Variants in DENND5A observed in about 807,000 individuals in gnomAD.
The protein encoded by DENND5A is DENN domain-containing protein 5A.
DENND5A carries 64 observed loss-of-function variants against 140.3 expected under a neutral mutation model. That is an observed-to-expected ratio of 0.46 (90% CI 0.37 to 0.56). The LOEUF (loss-of-function observed/expected upper bound fraction) is 0.56, where lower values mean the gene tolerates loss of function less well. Ranked by LOEUF, DENND5A falls within the 20% of genes least tolerant of loss-of-function variation. DENND5A has a pLI of 0.00. For missense variants in DENND5A, 1,292 were observed against 1,593.8 expected (o/e 0.81, Z 3.22); for synonymous variants, 605 against 607.7 (o/e 1.00, Z 0.07).
chr11:9,208,536 C>T (rs1033837917), intron 1 of DENND5A, among the ~76,000 whole-genome samples: 1 of 152,184 alleles, frequency 6.6e-6, no homozygotes, highest in Non-Finnish European at 1.5e-5. Flanking sequence ...TTTATAATAA[C>T]TCTAAGGCAC....
chr11:9,152,469 C>G lies in DENND5A; in HGVS notation c.2437-27G>C, dbSNP rs760742726. 9 of 1,529,868 alleles carry G rather than the reference C, an allele frequency of 5.9e-6. No homozygotes were observed. In the South Asian group the frequency reaches 1.0e-4, roughly 17 times the overall value. The allele number at this position is 1,529,868 out of a possible 1,614,324, so 94.8% of individuals were successfully genotyped here. A position where few individuals can be genotyped will look rare whatever the true frequency, so the allele number is the denominator to read the frequency against. On this transcript the variant is annotated intron_variant, in intron 12 of 22. Coordinates refer to ENST00000328194, the MANE Select transcript of DENND5A (RefSeq NM_015213.4). Reference sequence around the variant, plus strand: ...TGGAACCAATGCAAGGGAGAAACACCTATCAGTTTAGATTTCAGGGGTCAA... The same window carrying G: ...TGGAACCAATGCAAGGGAGAAACACGTATCAGTTTAGATTTCAGGGGTCAA...
chr11:9,263,302 C>A (rs1852289054), intron 1 of DENND5A, among the ~76,000 whole-genome samples: 1 of 151,130 alleles, frequency 6.6e-6, no homozygotes, highest in Non-Finnish European at 1.5e-5. Flanking sequence ...CTCACTGCAA[C>A]CTCCCCCTCC....
chr11:9,150,227 A>AG lies in DENND5A; in HGVS notation c.2607-19_2607-18insC. On this transcript the variant is annotated intron_variant, in intron 14 of 22. Transcript: ENST00000328194. ...GGATGTGCCTGGAGGAAGAATGTAA[A>AG]AAGGAAGTGGAGGGTGGGATGGGAG... The AG allele has an allele frequency of 6.2e-7, 1 of 1,612,572 alleles. No homozygotes were observed.
At chr11:9,159,182 T>C (rs1847899565) in intron 12 of DENND5A, among the ~76,000 whole-genome samples, 2 of 152,236 alleles carry the variant, frequency 1.3e-5, no homozygotes, top group Admixed American at 1.3e-4. Context: ...GTAGGTACTT[T>C]ATTCCCTTTA....
intron 4 of DENND5A, among the ~76,000 whole-genome samples, chr11:9,196,018 T>C (rs1378355249): frequency 6.6e-6 from 1 of 152,202 alleles, no homozygotes; most frequent in African/African-American, 2.4e-5. Context: ...AGTGGCGCAA[T>C]CTCGGCTCAC....
At chr11:9,234,593 C>T (rs369536583) in intron 1 of DENND5A, among the ~76,000 whole-genome samples, 3 of 152,182 alleles carry the variant, frequency 2.0e-5, no homozygotes, top group African/African-American at 7.2e-5. Context: ...GACATGTTCG[C>T]GATGGCCCTG....
At chr11:9,179,432 T>C (rs1228147887) in intron 6 of DENND5A, among the ~76,000 whole-genome samples, 1 of 152,058 alleles carries the variant, frequency 6.6e-6, no homozygotes, top group Non-Finnish European at 1.5e-5. Context: ...ACCAACAAGG[T>C]TAAATTCTGG....
intron 1 of DENND5A, among the ~76,000 whole-genome samples, chr11:9,264,128 GAC>G (rs1376654167): frequency 6.6e-6 from 1 of 152,120 alleles, no homozygotes; most frequent in East Asian, 1.9e-4. Context: ...AGACTCCAAT[GAC>G]AGTGCAGTGG....
In DENND5A at chr11:9,240,812, T is replaced by C. The variant is rs139478555; in HGVS notation, c.109+24149A>G. Among the ~76,000 whole-genome samples, 8 of 152,246 alleles carry C rather than the reference T, an allele frequency of 5.3e-5. No homozygotes were observed. In the South Asian group the frequency reaches 1.2e-3, roughly 24 times the overall value. Reference sequence around the variant, plus strand: ...TCAACATAGACCCTGATAGGGGTTATAGGTGTTGATTTTATTCCTGACAGG... The same window carrying C: ...TCAACATAGACCCTGATAGGGGTTACAGGTGTTGATTTTATTCCTGACAGG... On this transcript the variant is annotated intron_variant, in intron 1 of 22. Transcript: ENST00000328194.
intron 1 of DENND5A, among the ~76,000 whole-genome samples, chr11:9,254,355 T>C (rs1013544663): frequency 2.0e-5 from 3 of 152,096 alleles, no homozygotes; most frequent in Admixed American, 1.3e-4. Flanking sequence ...AAAATATGTA[T>C]ATATACAGAA....
chr11:9,229,592 C>G (rs747297886), intron 1 of DENND5A, among the ~76,000 whole-genome samples: 28 of 152,010 alleles, frequency 1.8e-4, no homozygotes, highest in Non-Finnish European at 2.6e-4. Flanking sequence ...AAACATATAC[C>G]TCTCCCCCAA....
intron 8 of DENND5A, chr11:9,170,991 G>A: frequency 2.6e-6 from 2 of 764,486 alleles, no homozygotes; most frequent in South Asian, 2.0e-5. Flanking sequence ...GCAATGAAGG[G>A]CAGGACCCTG....
chr11:9,214,885 A>G lies in DENND5A; in HGVS notation c.110-7253T>C, dbSNP rs371222272. Among the ~76,000 whole-genome samples the G allele has an allele frequency of 1.1e-4, 16 of 152,114 alleles. No homozygotes were observed. The East Asian group carries it at 2.7e-3, about 26-fold the overall frequency. On this transcript the variant is annotated intron_variant, in intron 1 of 22. Coordinates refer to ENST00000328194, the MANE Select transcript of DENND5A (RefSeq NM_015213.4). ...ATTACAGGCGCCTGCCATCACCCTC[A>G]GCTAATCTTTCTATTTTTAGTAGGG...
chr11:9,236,377 C>T (rs994063282), intron 1 of DENND5A, among the ~76,000 whole-genome samples: 11 of 151,758 alleles, frequency 7.2e-5, no homozygotes, highest in African/African-American at 2.7e-4. Context: ...ACTAAAAATG[C>T]AACAATTAAC....
rs1590237774 is a variant in DENND5A, at chr11:9,178,334, G to A, written c.1704C>T (p.Tyr568=). ...ASFLSDQPEP[Y]LPFLSRFLET... is the part of the protein sequence containing the mutation. ...CCAGGAATCTTGAGAGGAAGGGCAG[G>A]TAGGGCTCAGGCTGATCTGACAGAA... The change falls in exon 8 of 23, where the codon TAC becomes TAT. Residue 568 remains tyrosine, a synonymous_variant. Coordinates refer to ENST00000328194, the MANE Select transcript of DENND5A (RefSeq NM_015213.4). 1 of 1,613,848 alleles carries A rather than the reference G, an allele frequency of 6.2e-7. No individual in the cohort carries two copies. The highest frequency in any genetic ancestry group is 1.7e-4 in the Middle Eastern group (1 of 6,046).
At chr11:9,183,210 G>A (rs887248289) in intron 5 of DENND5A, among the ~76,000 whole-genome samples, 4 of 152,010 alleles carry the variant, frequency 2.6e-5, no homozygotes, top group Non-Finnish European at 5.9e-5. Flanking sequence ...TGCCTTCATT[G>A]CAGCACATTA....
At chr11:9,256,189 C>T (rs1429454132) in intron 1 of DENND5A, among the ~76,000 whole-genome samples, 2 of 152,042 alleles carry the variant, frequency 1.3e-5, no homozygotes, top group Non-Finnish European at 2.9e-5. Context: ...AGGCCGGGCA[C>T]GGTGGCTTGT....
At chr11:9,214,090 C>T (rs1849992471) in intron 1 of DENND5A, among the ~76,000 whole-genome samples, 1 of 152,176 alleles carries the variant, frequency 6.6e-6, no homozygotes. Context: ...GAGTGTCGTC[C>T]ATGCTATAAT....
At chr11:9,158,347 C>T (rs1229928098) in intron 12 of DENND5A, among the ~76,000 whole-genome samples, 1 of 151,564 alleles carries the variant, frequency 6.6e-6, no homozygotes, top group African/African-American at 2.4e-5. Context: ...GAGTTTGAGA[C>T]CAGCCAGGAC....
Sources: gnomAD v4.1 joint callset for allele counts (sites outside exome capture counted in the v4.1 genomes callset) on GRCh38, gnomAD v4.1.1 for gene constraint, MANE v1.5 for transcripts, NCBI Gene and HGNC (gene_info 2026-07-23, HGNC 2026-07-21) for gene names.